Variants in ALK observed in about 807,000 individuals in gnomAD.
ALK encodes the protein ALK receptor tyrosine kinase.
ALK carries 74 observed loss-of-function variants against 163.1 expected under a neutral mutation model. The observed-to-expected ratio is 0.45, with a 90% CI of 0.38 to 0.55. The LOEUF is 0.55. Among genes scored for constraint, ALK ranks in the 20% least tolerant of loss-of-function variants. The pLI is 0.00. For synonymous variants in ALK, 960 were observed against 843.2 expected, an observed-to-expected ratio of 1.14 and a Z score of -2.40; for missense variants, 2,063 against 2,105.3, an observed-to-expected ratio of 0.98 and a Z score of 0.39.
intron 1 of ALK, among the ~76,000 whole-genome samples, chr2:29,740,695 A>G (rs937795848): frequency 5.3e-5 from 8 of 152,210 alleles, no homozygotes; most frequent in African/African-American, 1.9e-4. Context: ...GATATCATTC[A>G]GCGCTCAAAA....
intron 3 of ALK, among the ~76,000 whole-genome samples, chr2:29,672,672 A>G (rs558024658): frequency 1.3e-5 from 2 of 152,274 alleles, no homozygotes; most frequent in East Asian, 3.9e-4. Context: ...CATGATTTAT[A>G]GTCCTTTGGG....
At chr2:29,807,912 G>A (rs991232763) in intron 1 of ALK, among the ~76,000 whole-genome samples, 17 of 152,130 alleles carry the variant, frequency 1.1e-4, no homozygotes, top group African/African-American at 3.4e-4. Context: ...ACCCTTCTGA[G>A]TATCTCAAAG....
chr2:29,852,982 A>G (rs893094897), intron 1 of ALK, among the ~76,000 whole-genome samples: 2 of 152,150 alleles, frequency 1.3e-5, no homozygotes, highest in African/African-American at 4.8e-5. Context: ...ACTTCTCAGT[A>G]TCCAGGACTG....
At chr2:29,644,707 A>G (rs984280879) in intron 3 of ALK, among the ~76,000 whole-genome samples, 1 of 122,192 alleles carries the variant, frequency 8.2e-6, no homozygotes, top group African/African-American at 3.5e-5. Flanking sequence ...TGTCTCCGAC[A>G]CAGATGGAAG....
At chr2:29,912,834 A>G (rs1210303294) in intron 1 of ALK, among the ~76,000 whole-genome samples, 2 of 152,132 alleles carry the variant, frequency 1.3e-5, no homozygotes, top group African/African-American at 4.8e-5. Context: ...CTCACCACAG[A>G]ACACTTACTT....
At chr2:29,203,780 G>A (rs751236940) in intron 26 of ALK, among the ~76,000 whole-genome samples, 3 of 151,836 alleles carry the variant, frequency 2.0e-5, no homozygotes, top group Non-Finnish European at 4.4e-5. Context: ...CACTGCGCCC[G>A]GCCGAGGATA....
chr2:29,332,568 T>A (rs1367863729), intron 5 of ALK, among the ~76,000 whole-genome samples: 1 of 152,234 alleles, frequency 6.6e-6, no homozygotes, highest in Non-Finnish European at 1.5e-5. Context: ...CCACCATTTT[T>A]AACATCTTGG....
At chr2:29,582,106 T>G (rs948728547) in intron 3 of ALK, among the ~76,000 whole-genome samples, 6 of 152,210 alleles carry the variant, frequency 3.9e-5, no homozygotes, top group African/African-American at 1.4e-4. Context: ...ACTTAAGCCC[T>G]GACCTTGAGT....
intron 23 of ALK, among the ~76,000 whole-genome samples, chr2:29,218,847 A>G (rs1426565761): frequency 6.6e-6 from 1 of 152,230 alleles, no homozygotes; most frequent in East Asian, 1.9e-4. Context: ...CTGCCTTCCT[A>G]GGTGGTGGTG....
At chr2:29,203,709 C>T (rs1461468540) in intron 26 of ALK, among the ~76,000 whole-genome samples, 1 of 151,712 alleles carries the variant, frequency 6.6e-6, no homozygotes, top group Non-Finnish European at 1.5e-5. Flanking sequence ...TGGTCTCGAA[C>T]TCCTGACCTC....
At chr2:29,693,430 C>CAG (rs1573560624) in intron 3 of ALK, among the ~76,000 whole-genome samples, 1 of 150,520 alleles carries the variant, frequency 6.6e-6, no homozygotes, top group South Asian at 2.1e-4. Context: ...CACACACACA[C>CAG]ACACACAGAC....
chr2:29,404,230 G>T (rs1669525255), intron 4 of ALK, among the ~76,000 whole-genome samples: 1 of 150,780 alleles, frequency 6.6e-6, no homozygotes, highest in African/African-American at 2.4e-5. Context: ...CTTGAACCCA[G>T]GAGGCGGAGG....
chr2:29,312,224 C>G (rs1275575169), intron 8 of ALK, among the ~76,000 whole-genome samples: 1 of 152,096 alleles, frequency 6.6e-6, no homozygotes, highest in Non-Finnish European at 1.5e-5. Flanking sequence ...ATAGTAATGG[C>G]TACAACAGAG....
At chr2:29,487,361 G>A (rs1671800420) in intron 4 of ALK, among the ~76,000 whole-genome samples, 1 of 152,208 alleles carries the variant, frequency 6.6e-6, no homozygotes, top group South Asian at 2.1e-4. Context: ...ACAGCTGTCT[G>A]TGGCCACAGA....
intron 4 of ALK, among the ~76,000 whole-genome samples, chr2:29,401,717 A>T (rs1326823687): frequency 1.3e-5 from 2 of 152,142 alleles, no homozygotes; most frequent in East Asian, 3.9e-4. Context: ...GCAGGCCTCC[A>T]TAATAAGGAG....
At chr2:29,714,595 C>T (rs868220294) in intron 2 of ALK, among the ~76,000 whole-genome samples, 2 of 152,136 alleles carry the variant, frequency 1.3e-5, no homozygotes, top group Non-Finnish European at 2.9e-5. Flanking sequence ...CTCACTCCCC[C>T]ACCCTGACGA....
chr2:29,305,431 G>C (rs1212816225), intron 8 of ALK, among the ~76,000 whole-genome samples: 2 of 152,112 alleles, frequency 1.3e-5, no homozygotes, highest in Non-Finnish European at 2.9e-5. Flanking sequence ...CTGGAGGCCT[G>C]GTATCAGTTC....
intron 3 of ALK, among the ~76,000 whole-genome samples, chr2:29,682,302 C>T (rs1014487382): frequency 6.6e-6 from 1 of 152,284 alleles, no homozygotes; most frequent in Admixed American, 6.5e-5. Flanking sequence ...TAGAGAACTG[C>T]CTAGCCAAAA....
chr2:29,715,292 T>C, intron 2 of ALK, among the ~76,000 whole-genome samples: 1 of 152,248 alleles, frequency 6.6e-6, no homozygotes, highest in Non-Finnish European at 1.5e-5. Context: ...TGGGTACTCT[T>C]ACCCAGAACT....
Sources: gnomAD v4.1 joint callset for allele counts (sites outside exome capture counted in the v4.1 genomes callset) on GRCh38, gnomAD v4.1.1 for gene constraint, MANE v1.5 for transcripts, NCBI Gene and HGNC (gene_info 2026-07-23, HGNC 2026-07-21) for gene names.